Variants in EVA1A observed in about 807,000 individuals in gnomAD.
EVA1A encodes eva-1 homolog A, regulator of programmed cell death.
A neutral mutation model predicts 9.8 loss-of-function variants in EVA1A; 7 were observed. That is an observed-to-expected ratio of 0.71 (90% CI 0.41 to 1.34). The LOEUF is 1.34. EVA1A is among the 40% of genes most tolerant of loss of function. EVA1A has a pLI of 0.01. For synonymous variants in EVA1A, 90 were observed against 85.6 expected (o/e 1.05, Z -0.28); for missense variants, 206 against 205.9 (o/e 1.00, Z 0.00).
chr2:75,562,433 G>C (rs1188381904), upstream of EVA1A, among the ~76,000 whole-genome samples: 5 of 152,264 alleles, frequency 3.3e-5, 1 homozygote, highest in East Asian at 9.6e-4. Flanking sequence ...TTGAAATGCT[G>C]CTCTTCAAAA....
chr2:75,515,770 TAC>T (rs1674980756), intron 3 of EVA1A, among the ~76,000 whole-genome samples: 1 of 151,972 alleles, frequency 6.6e-6, no homozygotes, highest in Admixed American at 6.6e-5. Flanking sequence ...TCCTAAAGAG[TAC>T]AACTTTGAAG....
At chr2:75,510,811 T>C (rs754680226) in intron 3 of EVA1A, among the ~76,000 whole-genome samples, 1 of 152,188 alleles carries the variant, frequency 6.6e-6, no homozygotes, top group East Asian at 1.9e-4. Flanking sequence ...ACAAGACATA[T>C]GGACAGTTCA....
intron 1 of EVA1A, among the ~76,000 whole-genome samples, chr2:75,547,506 C>T (rs2103958449): frequency 6.6e-6 from 1 of 152,300 alleles, no homozygotes; most frequent in East Asian, 1.9e-4. Flanking sequence ...TGTCTAGTGA[C>T]CAGCAGGTGA....
rs1674626293 is a variant in EVA1A at position 75,506,539 on chromosome 2, T to C, written c.85+11517A>G. 1.3e-5 allele frequency among the ~76,000 whole-genome samples: 2 copies of C among 152,134 alleles called. 1 individual carries two copies. Among genetic ancestry groups the C allele is most frequent in the South Asian group, 4.1e-4 (2 of 4,828 alleles). On this transcript the variant is annotated intron_variant, in intron 3 of 3. Transcript: ENST00000393913. ...CCCATGCAGGAAGCTCCCTGATGAG[T>C]GTCTGAAACCTTTTGCAGATTAACT...
At chr2:75,508,514 C>G (rs1311035624) in intron 3 of EVA1A, among the ~76,000 whole-genome samples, 4 of 152,130 alleles carry the variant, frequency 2.6e-5, no homozygotes, top group Non-Finnish European at 5.9e-5. Context: ...CGGTTGCTCT[C>G]AAAACCCTGT....
rs780553220 is a variant in EVA1A, at chr2:75,528,957, ATCTG to A, written c.-191-6474_-191-6471del. On this transcript the variant is annotated intron_variant, in intron 1 of 3. Coordinates refer to ENST00000393913, the MANE Select transcript of EVA1A (RefSeq NM_001135032.2). ...CATCCTGGCTAACCAGAGGTCCTGA[ATCTG>A]TCTGTGTGACAACTTCACTATAAGC... is the stretch of plus-strand genomic sequence containing the variant. Among the ~76,000 whole-genome samples the A allele has an allele frequency of 1.1e-4, 17 of 152,352 alleles. No homozygotes were observed. In the South Asian group the frequency reaches 2.1e-3, roughly 19 times the overall value.
At chr2:75,494,356 C>T (rs576394515) in intron 3 of EVA1A, among the ~76,000 whole-genome samples, 25 of 152,274 alleles carry the variant, frequency 1.6e-4, no homozygotes, top group Admixed American at 1.4e-3. Flanking sequence ...CAATGCCCTG[C>T]GTATACCGAG....
At chr2:75,538,815 TTAG>T (rs1213671284) in intron 1 of EVA1A, among the ~76,000 whole-genome samples, 1 of 152,212 alleles carries the variant, frequency 6.6e-6, no homozygotes, top group African/African-American at 2.4e-5. Context: ...AGGGAATAAA[TTAG>T]TAGTTTTCAG....
At chr2:75,534,616 C>T (rs796690206) in intron 1 of EVA1A, among the ~76,000 whole-genome samples, 16 of 152,168 alleles carry the variant, frequency 1.1e-4, no homozygotes, top group African/African-American at 3.6e-4. Context: ...TCTAAATACA[C>T]CAATTAAAGA....
In EVA1A at chr2:75,532,347, G is replaced by A. The variant is rs116483407; in HGVS notation, c.-191-9860C>T. On this transcript the variant is annotated intron_variant, in intron 1 of 3. Coordinates refer to ENST00000393913, the MANE Select transcript of EVA1A (RefSeq NM_001135032.2). ...CTTGTAACACAGCCAGTGTTTATGT[G>A]AGTGAAACTTGGTATTGTAGGTCTG... Among the ~76,000 whole-genome samples, 969 of 152,204 alleles carry A rather than the reference G, an allele frequency of 6.4e-3. 4 individuals carry two copies. The highest frequency in any genetic ancestry group is 0.011 in the Non-Finnish European group (722 of 68,008).
chr2:75,497,021 T>C (rs897569420), intron 3 of EVA1A, among the ~76,000 whole-genome samples: 1 of 152,198 alleles, frequency 6.6e-6, no homozygotes, highest in African/African-American at 2.4e-5. Context: ...CTTTTTACCT[T>C]ATACAAAAAT....
chr2:75,551,094 C>G (rs1335392324), intron 1 of EVA1A, among the ~76,000 whole-genome samples: 1 of 152,220 alleles, frequency 6.6e-6, no homozygotes, highest in Non-Finnish European at 1.5e-5. Context: ...CACATTCCAG[C>G]CTGGGCGACA....
chr2:75,525,872 C>A (rs996135574), intron 1 of EVA1A, among the ~76,000 whole-genome samples: 2 of 152,190 alleles, frequency 1.3e-5, no homozygotes, highest in African/African-American at 4.8e-5. Context: ...GAGCCTGAAG[C>A]CTTCACTTAG....
At chr2:75,557,509 G>A (rs1676757583) in intron 1 of EVA1A, among the ~76,000 whole-genome samples, 1 of 152,198 alleles carries the variant, frequency 6.6e-6, no homozygotes, top group African/African-American at 2.4e-5. Flanking sequence ...CACTCAGCTG[G>A]TGGCATTTAT....
At chr2:75,539,477 C>T (rs1288794739) in intron 1 of EVA1A, among the ~76,000 whole-genome samples, 1 of 152,152 alleles carries the variant, frequency 6.6e-6, no homozygotes, top group Non-Finnish European at 1.5e-5. Flanking sequence ...TAAAACGAGG[C>T]TAATGATTCC....
chr2:75,531,930 C>T (rs981702178), intron 1 of EVA1A, among the ~76,000 whole-genome samples: 10 of 152,168 alleles, frequency 6.6e-5, no homozygotes, highest in East Asian at 3.9e-4. Context: ...GAGGCCAAGG[C>T]GGGCAGATCA....
rs375482978 is a variant in EVA1A, at chr2:75,504,028, T to A, written c.86-10419A>T. On this transcript the variant is annotated intron_variant, in intron 3 of 3. Coordinates refer to ENST00000393913, the MANE Select transcript of EVA1A (RefSeq NM_001135032.2). ...TTAACCCCCCAAAATAATAAAATTT[T>A]AAAAAGTGGGCATTAAAGAGAATCA... Among the ~76,000 whole-genome samples, 290 of 152,252 alleles carry A rather than the reference T, an allele frequency of 1.9e-3. 6 individuals are homozygous for A. The highest frequency in any genetic ancestry group is 6.7e-3 in the African/African-American group (278 of 41,544).
chr2:75,515,278 C>T (rs1049094018), intron 3 of EVA1A, among the ~76,000 whole-genome samples: 1 of 152,044 alleles, frequency 6.6e-6, no homozygotes, highest in Non-Finnish European at 1.5e-5. Context: ...CAGATATTTA[C>T]AATTATTGGA....
chr2:75,514,100 A>T (rs1318249547), intron 3 of EVA1A, among the ~76,000 whole-genome samples: 1 of 152,194 alleles, frequency 6.6e-6, no homozygotes, highest in Non-Finnish European at 1.5e-5. Context: ...TGGAGGCAAG[A>T]CCACAGCAAA....
Sources: gnomAD v4.1 joint callset for allele counts (sites outside exome capture counted in the v4.1 genomes callset) on GRCh38, gnomAD v4.1.1 for gene constraint, MANE v1.5 for transcripts, NCBI Gene and HGNC (gene_info 2026-07-23, HGNC 2026-07-21) for gene names.